PDZRN4: variants seen among roughly 807,000 people sequenced by gnomAD.
PDZRN4 encodes the protein PDZ domain-containing RING finger protein 4.
Under a neutral mutation model 99.0 loss-of-function variants are expected in PDZRN4, and 70 were observed. The observed-to-expected ratio is 0.71, with a 90% CI of 0.58 to 0.86. PDZRN4 has a LOEUF of 0.86. PDZRN4 is among the 40% of genes least tolerant of loss of function. PDZRN4 has a pLI of 0.00. For missense variants in PDZRN4, 1,474 were observed against 1,331.2 expected, an observed-to-expected ratio of 1.11 and a Z score of -1.67; for synonymous variants, 551 against 501.6, an observed-to-expected ratio of 1.10 and a Z score of -1.32.
Position 41,317,174 on chromosome 12 carries a change from G to A in PDZRN4, c.843+122986G>A, listed in dbSNP as rs934860308. The stretch of plus-strand genomic sequence containing the variant: ...TATTTAGAGAGAGAGAGATAAATAG[G>A]TAAACATCTATCTACCTAGAAACAG... On this transcript the variant is annotated intron_variant, in intron 3 of 9. Coordinates refer to ENST00000402685, the MANE Select transcript of PDZRN4 (RefSeq NM_001164595.2). Among the ~76,000 whole-genome samples the A allele has an allele frequency of 7.3e-4, 110 of 149,808 alleles. 1 individual carries two copies. Among genetic ancestry groups the A allele is most frequent in the Admixed American group, 6.1e-3 (91 of 14,798 alleles).
intron 5 of PDZRN4, among the ~76,000 whole-genome samples, chr12:41,535,065 T>A (rs12811069): frequency 0.14 from 21,982 of 152,170 alleles, 1,680 homozygotes; most frequent in South Asian, 0.23. Flanking sequence ...ATTGTTACAG[T>A]TCTAATGTTT....
At chr12:41,272,651 C>A (rs570072406) in intron 3 of PDZRN4, among the ~76,000 whole-genome samples, 41 of 152,120 alleles carry the variant, frequency 2.7e-4, no homozygotes, top group African/African-American at 9.9e-4. Flanking sequence ...GAAATGGATA[C>A]ACTTTTAAAG....
chr12:41,372,858 G>A (rs891113818), intron 3 of PDZRN4, among the ~76,000 whole-genome samples: 2 of 152,106 alleles, frequency 1.3e-5, no homozygotes, highest in Admixed American at 6.6e-5. Flanking sequence ...AGTCTATACA[G>A]GATGAATTTA....
At chr12:41,530,107 T>G (rs1938636138) in intron 5 of PDZRN4, among the ~76,000 whole-genome samples, 1 of 152,208 alleles carries the variant, frequency 6.6e-6, no homozygotes. Flanking sequence ...CCATGGCAGA[T>G]CTACAATACT....
At chr12:41,344,519 C>A (rs978259822) in intron 3 of PDZRN4, among the ~76,000 whole-genome samples, 5 of 149,194 alleles carry the variant, frequency 3.4e-5, no homozygotes, top group Non-Finnish European at 7.4e-5. Flanking sequence ...ATCTCTAGGA[C>A]AGAAAAACTA....
At chr12:41,373,394 T>C (rs1016049157) in intron 3 of PDZRN4, among the ~76,000 whole-genome samples, 15 of 152,050 alleles carry the variant, frequency 9.9e-5, no homozygotes, top group Non-Finnish European at 1.8e-4. Flanking sequence ...GCTGTGACCA[T>C]AAAAGACAGC....
intron 3 of PDZRN4, among the ~76,000 whole-genome samples, chr12:41,421,308 CCTGCCT>C (rs1952488068): frequency 6.6e-6 from 1 of 152,044 alleles, no homozygotes; most frequent in Middle Eastern, 3.2e-3. Context: ...AAGTGATTCT[CCTGCCT>C]CAACTTCCTG....
chr12:41,434,835 G>T (rs894226875), intron 3 of PDZRN4, among the ~76,000 whole-genome samples: 1 of 152,048 alleles, frequency 6.6e-6, no homozygotes, highest in African/African-American at 2.4e-5. Flanking sequence ...TATTATTATT[G>T]CCCAAGACAG....
At chr12:41,355,864 A>G (rs534453602) in intron 3 of PDZRN4, among the ~76,000 whole-genome samples, 22 of 152,152 alleles carry the variant, frequency 1.4e-4, no homozygotes, top group African/African-American at 5.3e-4. Flanking sequence ...TGCTTGACAA[A>G]TGAACGCATG....
At position 41,364,624 on chromosome 12, in the gene PDZRN4, T is replaced by G. The variant is rs1592029084; in HGVS notation, c.844-141832T>G. 3.3e-5 allele frequency among the ~76,000 whole-genome samples: 5 copies of G among 152,108 alleles called. No individual in the cohort carries two copies. The East Asian group carries it at 9.7e-4, about 29-fold the overall frequency. ...TCATCTATCCTTTACAGTTTTTAAG[T>G]TGAAATTTTATGAAAATCCCTACTA... On this transcript the variant is annotated intron_variant, in intron 3 of 9. Transcript: ENST00000402685.
At chr12:41,195,825 A>G (rs1950767864) in intron 3 of PDZRN4, among the ~76,000 whole-genome samples, 1 of 152,142 alleles carries the variant, frequency 6.6e-6, no homozygotes, top group Non-Finnish European at 1.5e-5. Flanking sequence ...GATTGTCCCT[A>G]TTACTTTCTG....
intron 3 of PDZRN4, among the ~76,000 whole-genome samples, chr12:41,468,143 C>A (rs1248359991): frequency 6.6e-6 from 1 of 152,082 alleles, no homozygotes; most frequent in Non-Finnish European, 1.5e-5. Context: ...GGAGTGTGGG[C>A]AAAGTACTGG....
Position 41,573,892 on chromosome 12 carries a change from C to T in PDZRN4, c.*2C>T, listed in dbSNP as rs1412452935. 2.0e-6 allele frequency: 3 copies of T among 1,536,096 alleles called. No individual in the cohort carries two copies. Among genetic ancestry groups the T allele is most frequent in the Non-Finnish European group, 2.6e-6 (3 of 1,143,892 alleles). On this transcript the variant is annotated 3_prime_UTR_variant, in exon 10 of 10. Transcript: ENST00000402685. Reference sequence around the variant, plus strand: ...TTCTTGTCGGTGACCACTGTATGACCGAATGAATGGAATGCATGCGACTGA... The same window carrying T: ...TTCTTGTCGGTGACCACTGTATGACTGAATGAATGGAATGCATGCGACTGA...
chr12:41,459,319 T>C (rs1032067695), intron 3 of PDZRN4, among the ~76,000 whole-genome samples: 1 of 152,222 alleles, frequency 6.6e-6, no homozygotes, highest in African/African-American at 2.4e-5. Flanking sequence ...TGATCCAAGG[T>C]GATGTAACAA....
chr12:41,513,818 A>T (rs141258496), intron 5 of PDZRN4, among the ~76,000 whole-genome samples: 196 of 152,202 alleles, frequency 1.3e-3, no homozygotes, highest in Non-Finnish European at 2.3e-3. Flanking sequence ...TGCAAGGAAG[A>T]TGTTGAATTA....
intron 3 of PDZRN4, among the ~76,000 whole-genome samples, chr12:41,440,510 A>G (rs772943957): frequency 2.0e-5 from 3 of 152,122 alleles, no homozygotes; most frequent in Non-Finnish European, 2.9e-5. Context: ...GAGTCCAGTA[A>G]AACAATCAGA....
intron 3 of PDZRN4, among the ~76,000 whole-genome samples, chr12:41,422,487 G>A (rs1359966452): frequency 6.6e-6 from 1 of 152,132 alleles, no homozygotes; most frequent in African/African-American, 2.4e-5. Flanking sequence ...GAAGGAACAA[G>A]GTTTAATTGA....
chr12:41,285,906 C>T (rs535210895), intron 3 of PDZRN4, among the ~76,000 whole-genome samples: 10 of 151,978 alleles, frequency 6.6e-5, no homozygotes, highest in Middle Eastern at 3.4e-3. Context: ...ATGTAGATGA[C>T]GGGTTGTTGG....
chr12:41,480,346 A>G (rs1371440427), intron 3 of PDZRN4, among the ~76,000 whole-genome samples: 5 of 152,190 alleles, frequency 3.3e-5, no homozygotes, highest in Admixed American at 6.6e-5. Flanking sequence ...GATATTTGAA[A>G]TAAAATGTAT....
Sources: gnomAD v4.1 joint callset for allele counts (sites outside exome capture counted in the v4.1 genomes callset) on GRCh38, gnomAD v4.1.1 for gene constraint, MANE v1.5 for transcripts, NCBI Gene and HGNC (gene_info 2026-07-23, HGNC 2026-07-21) for gene names.